The following TBC1D7 variants were observed in gnomAD, a reference collection of about 807,000 sequenced individuals.
The protein encoded by TBC1D7 is TBC domain family 7.
A neutral mutation model predicts 35.3 loss-of-function variants in TBC1D7; 33 were observed. That is an observed-to-expected ratio of 0.93 (90% CI 0.71 to 1.25). TBC1D7 has a LOEUF of 1.25. TBC1D7 is among the 50% of genes most tolerant of loss of function. The pLI is 0.00. For synonymous variants in TBC1D7, 135 were observed against 129.5 expected (o/e 1.04, Z -0.29); for missense variants, 362 against 365.3 (o/e 0.99, Z 0.07).
intron 4 of TBC1D7, chr6:13,319,955 T>C (rs747657972): frequency 6.6e-6 from 1 of 152,172 alleles, no homozygotes; most frequent in Non-Finnish European, 1.5e-5. Flanking sequence ...AAGTTAACAC[T>C]ACCTCTTATG....
At position 13,325,082 on chromosome 6, in the gene TBC1D7, T is replaced by G. The variant is rs752338290; in HGVS notation, c.193+12A>C. ...TTTTTAAGATAAATCTTCCAACTCC[T>G]GGGTCTCATACCTAGAAGCACCTTC... On this transcript the variant is annotated intron_variant, in intron 3 of 7. Transcript: ENST00000379300. The G allele has an allele frequency of 1.3e-6, 2 of 1,589,652 alleles. No homozygotes were observed. Among genetic ancestry groups the G allele is most frequent in the African/African-American group, 2.7e-5 (2 of 73,934 alleles).
At chr6:13,322,346 T>G (rs1485912520) in intron 3 of TBC1D7, among the ~76,000 whole-genome samples, 3 of 152,212 alleles carry the variant, frequency 2.0e-5, no homozygotes, top group Non-Finnish European at 4.4e-5. Flanking sequence ...GTACAGACTC[T>G]GGAGCAAAGT....
intron 5 of TBC1D7, among the ~76,000 whole-genome samples, chr6:13,316,004 C>T (rs1203374523): frequency 6.6e-6 from 1 of 152,208 alleles, no homozygotes. Flanking sequence ...TTTCCTTCTG[C>T]CTAGAACACA....
chr6:13,310,637 C>CAAAAAAAAAAAAA lies in TBC1D7; in HGVS notation c.520-2905_520-2893dup, dbSNP rs546122443. 1.5e-3 allele frequency among the ~76,000 whole-genome samples: 112 copies of CAAAAAAAAAAAAA among 72,802 alleles called. 5 individuals are homozygous for CAAAAAAAAAAAAA. Among genetic ancestry groups the CAAAAAAAAAAAAA allele is most frequent in the Middle Eastern group, 8.9e-3 (1 of 112 alleles). The allele number at this position is 72,802 out of a possible 152,430, so 47.8% of individuals were successfully genotyped here. A position where few individuals can be genotyped will look rare whatever the true frequency, so the allele number is the denominator to read the frequency against. The stretch of plus-strand genomic sequence containing the variant: ...TGGGTGACAGAGCGAGACTCCGTCT[C>CAAAAAAAAAAAAA]AAAAAAAAAAAAAAAAGAATATTGT... On this transcript the variant is annotated intron_variant, in intron 5 of 7. Transcript: ENST00000379300.
intron 3 of TBC1D7, among the ~76,000 whole-genome samples, chr6:13,324,118 T>G (rs1584572070): frequency 5.3e-5 from 8 of 149,750 alleles, no homozygotes; most frequent in South Asian, 4.5e-4. Context: ...GTAAGTTTTT[T>G]TTTGTTTGTT....
Position 13,321,047 on chromosome 6 carries a change from C to T in TBC1D7, c.242G>A (p.Arg81His), listed in dbSNP as rs141663120. The change falls in exon 4 of 8, where the codon CGT becomes CAT. Residue 81 changes from arginine (R) to histidine (H), a missense_variant. Transcript: ENST00000379300. ...AAGGACATCCAAGTACTGCTCCTTACGATACATCATCACCTTGGCATGGGA... is the reference window on the plus strand; with the variant it reads ...AAGGACATCCAAGTACTGCTCCTTATGATACATCATCACCTTGGCATGGGA... Reference protein sequence around the residue: ...HESHAKVMMYRKEQYLDVLHA... With the variant: ...HESHAKVMMYHKEQYLDVLHA... The T allele has an allele frequency of 1.5e-5, 24 of 1,613,962 alleles. No individual in the cohort carries two copies. Among genetic ancestry groups the T allele is most frequent in the Admixed American group, 3.3e-5 (2 of 60,002 alleles).
chr6:13,323,790 C>T (rs1784216315), intron 3 of TBC1D7: 1 of 152,190 alleles, frequency 6.6e-6, no homozygotes, highest in African/African-American at 2.4e-5. Flanking sequence ...TGAAAAGATA[C>T]TACATTTTGG....
chr6:13,325,920 G>T (rs1342076528), intron 2 of TBC1D7, among the ~76,000 whole-genome samples: 1 of 152,164 alleles, frequency 6.6e-6, no homozygotes, highest in Non-Finnish European at 1.5e-5. Flanking sequence ...ATAAATTACA[G>T]TGACTTCCCT....
chr6:13,307,612 G>A lies in TBC1D7; in HGVS notation c.653C>T (p.Ser218Phe). 6.2e-7 allele frequency: 1 copy of A among 1,614,104 alleles called. No individual in the cohort carries two copies. The highest frequency in any genetic ancestry group is 1.3e-5 in the African/African-American group (1 of 75,024). ...AAGACCTACTTGCCTCTGTAAACTG[G>A]ATTCAGGCAAACATCCCGCAAAGCA... Reference protein sequence around the residue: ...KRCFAGCLPESSLQRVWDKVV... With the variant: ...KRCFAGCLPEFSLQRVWDKVV... Residue 218 changes from serine to phenylalanine, a missense_variant, in exon 6 of 8, where the codon TCC becomes TTC. By Grantham distance (155) the Ser-to-Phe change is radical. Transcript: ENST00000379300.
rs6923375 is a variant in TBC1D7, at chr6:13,327,234, G to A, written c.-8-328C>T. Among the ~76,000 whole-genome samples, 19,613 of 151,910 alleles carry A rather than the reference G, an allele frequency of 0.13. 1,498 individuals carry two copies. The highest frequency in any genetic ancestry group is 0.3 in the East Asian group (1,522 of 5,152). On this transcript the variant is annotated intron_variant, in intron 1 of 7. Coordinates refer to ENST00000379300, the MANE Select transcript of TBC1D7 (RefSeq NM_016495.6). ...AACATTCTGTAGCTATTATAAATGC[G>A]CAAAGAAAAAAAATAAGTGAAATGG...
chr6:13,324,991 A>G (rs1011220558), intron 3 of TBC1D7, 103 bp downstream of exon 3: 2 of 799,856 alleles, frequency 2.5e-6, no homozygotes, highest in Non-Finnish European at 4.0e-6. Context: ...AATATTCAGT[A>G]AAAGGCCTAA....
At chr6:13,315,789 C>T (rs1190920965) in intron 5 of TBC1D7, among the ~76,000 whole-genome samples, 1 of 152,196 alleles carries the variant, frequency 6.6e-6, no homozygotes, top group African/African-American at 2.4e-5. Context: ...ATCAGTAAGG[C>T]TTCCAGTCAA....
rs73723252 is a variant in TBC1D7 at position 13,316,427 on chromosome 6, G to A, written c.519+144C>T. On this transcript the variant is annotated intron_variant, in intron 5 of 7. Transcript: ENST00000379300. ...CAAGCTGGAAATATTTAGATTATAT[G>A]GACTTTTACAGAAAACGCTTGCTGA... 923 of 852,936 alleles carry A rather than the reference G, an allele frequency of 1.1e-3. 12 individuals carry two copies. The African/African-American group carries it at 0.011, about 10-fold the overall frequency. The allele number at this position is 852,936 out of a possible 1,614,324, so 52.8% of individuals were successfully genotyped here.
intron 4 of TBC1D7, among the ~76,000 whole-genome samples, chr6:13,317,264 A>G (rs1323333208): frequency 1.3e-5 from 2 of 152,230 alleles, no homozygotes; most frequent in African/African-American, 2.4e-5. Flanking sequence ...AAAGAATGGC[A>G]TTTCTCAAAC....
At chr6:13,314,881 T>C (rs748612679) in intron 5 of TBC1D7, among the ~76,000 whole-genome samples, 2 of 152,012 alleles carry the variant, frequency 1.3e-5, no homozygotes, top group Non-Finnish European at 2.9e-5. Flanking sequence ...ATGAGATAAA[T>C]AAGGGGAAAA....
At chr6:13,311,016 T>C (rs1321602501) in intron 5 of TBC1D7, among the ~76,000 whole-genome samples, 2 of 152,280 alleles carry the variant, frequency 1.3e-5, no homozygotes, top group South Asian at 2.1e-4. Flanking sequence ...ATGACCCCCA[T>C]AGTCTTACTT....
intron 5 of TBC1D7, among the ~76,000 whole-genome samples, chr6:13,313,988 C>T (rs374254667): frequency 7.2e-5 from 11 of 151,942 alleles, no homozygotes; most frequent in Non-Finnish European, 1.2e-4. Context: ...TTTGGGAGGC[C>T]GAGGGGGCGG....
At chr6:13,313,088 T>C (rs1783347057) in intron 5 of TBC1D7, among the ~76,000 whole-genome samples, 1 of 152,200 alleles carries the variant, frequency 6.6e-6, no homozygotes, top group Non-Finnish European at 1.5e-5. Flanking sequence ...ATCTAAAGTA[T>C]ACAGGAAGAG....
intron 6 of TBC1D7, 196 bp downstream of exon 6, chr6:13,307,404 G>A (rs768853416): frequency 8.7e-6 from 5 of 572,518 alleles, no homozygotes; most frequent in Non-Finnish European, 1.5e-5. Context: ...CTAACGCACT[G>A]AGGGCCCTTA....
Sources: gnomAD v4.1 joint callset for allele counts (sites outside exome capture counted in the v4.1 genomes callset) on GRCh38, gnomAD v4.1.1 for gene constraint, MANE v1.5 for transcripts, NCBI Gene and HGNC (gene_info 2026-07-23, HGNC 2026-07-21) for gene names.